Variants in CCN4 observed in about 807,000 individuals in gnomAD.
The protein encoded by CCN4 is CCN family member 4.
Under a neutral mutation model 36.7 loss-of-function variants are expected in CCN4, and 30 were observed. The observed-to-expected ratio is 0.82, with a 90% CI of 0.61 to 1.11. The LOEUF (loss-of-function observed/expected upper bound fraction) is 1.11, where lower values mean the gene tolerates loss of function less well. Among genes scored for constraint, CCN4 ranks in the 50% least tolerant of loss-of-function variants. The pLI, the probability that CCN4 is intolerant of heterozygous loss-of-function variation, is 0.00. For missense variants in CCN4, 505 were observed against 504.9 expected (o/e 1.00, Z 0.00); for synonymous variants, 191 against 195.4 (o/e 0.98, Z 0.19).
chr8:133,222,692 C>G (rs543933447), intron 3 of CCN4, among the ~76,000 whole-genome samples: 12 of 151,396 alleles, frequency 7.9e-5, no homozygotes, highest in Non-Finnish European at 1.5e-4. Context: ...CATCTGATGC[C>G]ATGGCAGGCA....
intron 1 of CCN4, among the ~76,000 whole-genome samples, chr8:133,208,102 T>C (rs1284715765): frequency 6.6e-6 from 1 of 151,940 alleles, no homozygotes; most frequent in Non-Finnish European, 1.5e-5. Flanking sequence ...TACTAGGTGT[T>C]GGGCATAAGC....
chr8:133,212,638 G>C (rs1564259565), intron 1 of CCN4, among the ~76,000 whole-genome samples: 1 of 152,200 alleles, frequency 6.6e-6, no homozygotes, highest in Admixed American at 6.5e-5. Flanking sequence ...GCTGACCAGC[G>C]GAAGGATTCG....
intron 3 of CCN4, 91 bp downstream of exon 3, chr8:133,220,932 C>T: frequency 4.1e-6 from 6 of 1,463,250 alleles, no homozygotes; most frequent in Non-Finnish European, 4.6e-6. Context: ...ATGACTCATT[C>T]CCCAGTCCAC....
intron 4 of CCN4, 38 bp downstream of exon 4, chr8:133,225,621 A>G (rs767437665): frequency 6.7e-7 from 1 of 1,500,530 alleles, no homozygotes; most frequent in South Asian, 1.4e-5. Context: ...AGACTTCACA[A>G]GCAGACAAAT....
chr8:133,198,827 C>T (rs1853481341), intron 1 of CCN4, among the ~76,000 whole-genome samples: 2 of 152,244 alleles, frequency 1.3e-5, no homozygotes, highest in South Asian at 2.1e-4. Flanking sequence ...CCCTTTGTCG[C>T]TTCCTGACCA....
Position 133,228,894 on chromosome 8 carries a change from G to A in CCN4, c.*1184G>A, listed in dbSNP as rs2929970. ...TCTGGTAGGAAGATGGAGGTTTACCGGTTGTTTAGAAACAGAAATAGACTT... is the reference window on the plus strand; with the variant it reads ...TCTGGTAGGAAGATGGAGGTTTACCAGTTGTTTAGAAACAGAAATAGACTT... On this transcript the variant is annotated 3_prime_UTR_variant, in exon 5 of 5. Transcript: ENST00000250160. 0.52 allele frequency: 79,181 copies of A among 151,960 alleles called. 20,907 individuals are homozygous for A. Among genetic ancestry groups the A allele is most frequent in the East Asian group, 0.62 (3,182 of 5,150 alleles). 9.4% of individuals were successfully genotyped at this position (151,960 alleles called of 1,614,324 possible).
intron 2 of CCN4, among the ~76,000 whole-genome samples, chr8:133,215,455 C>A (rs527945286): frequency 1.3e-5 from 2 of 151,782 alleles, no homozygotes; most frequent in South Asian, 4.2e-4. Flanking sequence ...AAAGATACTT[C>A]TTTTCACTAC....
chr8:133,213,051 A>G lies in CCN4; in HGVS notation c.257A>G (p.Asn86Ser), dbSNP rs1398815295. Residue 86 changes from asparagine (N) to serine (S), a missense_variant, in exon 2 of 5, where the codon AAC (asparagine) becomes AGC (serine). Coordinates refer to ENST00000250160, the MANE Select transcript of CCN4 (RefSeq NM_003882.4). Reference sequence around the variant, plus strand: ...ATGTGCGCTCAGCAGCTTGGGGACAACTGCACGGAGGCTGCCATCTGTGAC... The same window carrying G: ...ATGTGCGCTCAGCAGCTTGGGGACAGCTGCACGGAGGCTGCCATCTGTGAC... ...CKMCAQQLGD[N>S]CTEAAICDPH... The G allele has an allele frequency of 1.2e-6, 2 of 1,614,152 alleles. No homozygotes were observed. Among genetic ancestry groups the G allele is most frequent in the African/African-American group, 2.7e-5 (2 of 75,058 alleles).
chr8:133,194,472 T>TGGG (rs1853253877), intron 1 of CCN4, among the ~76,000 whole-genome samples: 1 of 86,234 alleles, frequency 1.2e-5, no homozygotes, highest in Non-Finnish European at 2.1e-5. Flanking sequence ...GTGGGGTGTG[T>TGGG]GTGTGTGTGG....
At chr8:133,223,372 G>C (rs149184217) in intron 3 of CCN4, among the ~76,000 whole-genome samples, 11 of 152,234 alleles carry the variant, frequency 7.2e-5, no homozygotes, top group African/African-American at 2.6e-4. Flanking sequence ...CAAGATGCTT[G>C]CAGCTCCAGC....
At chr8:133,207,483 G>A (rs1043885885) in intron 1 of CCN4, among the ~76,000 whole-genome samples, 8 of 152,202 alleles carry the variant, frequency 5.3e-5, no homozygotes, top group Non-Finnish European at 7.3e-5. Flanking sequence ...ACATGTGCAC[G>A]GTGTTCCCTG....
intron 4 of CCN4, among the ~76,000 whole-genome samples, chr8:133,226,084 C>T (rs1417474095): frequency 3.9e-5 from 6 of 152,126 alleles, no homozygotes; most frequent in Non-Finnish European, 5.9e-5. Flanking sequence ...TCTGAAATCC[C>T]TTTCAGCTTT....
intron 1 of CCN4, among the ~76,000 whole-genome samples, chr8:133,195,351 G>A (rs959173591): frequency 6.6e-6 from 1 of 151,942 alleles, no homozygotes; most frequent in Non-Finnish European, 1.5e-5. Flanking sequence ...GTGTTTGGGT[G>A]TGAGATACAA....
At chr8:133,221,908 T>C (rs78162004) in intron 3 of CCN4, among the ~76,000 whole-genome samples, 14,252 of 148,940 alleles carry the variant, frequency 0.096, 1,243 homozygotes, top group East Asian at 0.51. Flanking sequence ...GGTCAATTAA[T>C]GGATGGATGG....
intron 3 of CCN4, among the ~76,000 whole-genome samples, chr8:133,223,419 C>T (rs539137335): frequency 3.3e-5 from 5 of 152,150 alleles, no homozygotes; most frequent in African/African-American, 1.2e-4. Flanking sequence ...TTGGATGCCT[C>T]CCATTTCAGG....
At chr8:133,221,929 G>A (rs1854546062) in intron 3 of CCN4, among the ~76,000 whole-genome samples, 1 of 151,856 alleles carries the variant, frequency 6.6e-6, no homozygotes, top group Admixed American at 6.5e-5. Flanking sequence ...AGGATGGATG[G>A]ATGGATGGAT....
In CCN4 at chr8:133,227,804, A is replaced by G. The variant is rs901855087; in HGVS notation, c.*94A>G. The stretch of plus-strand genomic sequence containing the variant: ...AACTTTTCACCAATGAGCCTTAGTT[A>G]CCCTGATCTGGACCCTTGGCCTCCA... On this transcript the variant is annotated 3_prime_UTR_variant, in exon 5 of 5. Coordinates refer to ENST00000250160, the MANE Select transcript of CCN4 (RefSeq NM_003882.4). The G allele has an allele frequency of 1.9e-5, 26 of 1,384,532 alleles. No homozygotes were observed. The Admixed American group carries it at 4.7e-4, about 25-fold the overall frequency. The allele number at this position is 1,384,532 out of a possible 1,614,324, so 85.8% of individuals were successfully genotyped here. A position where few individuals can be genotyped will look rare whatever the true frequency, so the allele number is the denominator to read the frequency against.
intron 2 of CCN4, among the ~76,000 whole-genome samples, chr8:133,216,966 C>T (rs1404926726): frequency 4.6e-5 from 7 of 152,220 alleles, no homozygotes; most frequent in African/African-American, 1.7e-4. Context: ...TGGCCTAGAT[C>T]CCCCATACTG....
rs59929763 is a variant in CCN4, at chr8:133,224,229, C to CTTTTTTTTTTTTTTTTTTT, written c.611-1150_611-1132dup. ...GATTTGAATTTGAAGCCCGTAAGTC[C>CTTTTTTTTTTTTTTTTTTT]TTTTTTTTTTTTTTTTTTTTTTTTT... On this transcript the variant is annotated intron_variant, in intron 3 of 4. Transcript: ENST00000250160. 6.6e-4 allele frequency among the ~76,000 whole-genome samples: 58 copies of CTTTTTTTTTTTTTTTTTTT among 88,494 alleles called. 29 individuals carry two copies. The highest frequency in any genetic ancestry group is 5.1e-4 in the Non-Finnish European group (24 of 47,424). The allele number at this position is 88,494 out of a possible 152,430, so 58.1% of individuals were successfully genotyped here. A position where few individuals can be genotyped will look rare whatever the true frequency, so the allele number is the denominator to read the frequency against.
Sources: gnomAD v4.1 joint callset for allele counts (sites outside exome capture counted in the v4.1 genomes callset) on GRCh38, gnomAD v4.1.1 for gene constraint, MANE v1.5 for transcripts, NCBI Gene and HGNC (gene_info 2026-07-23, HGNC 2026-07-21) for gene names.